FAM210A: variants seen among roughly 807,000 people sequenced by gnomAD.
FAM210A encodes the protein mitochondrial inner membrane scaffold 1.
In FAM210A, 13 loss-of-function variants were observed where a neutral mutation model predicts 25.3. The ratio of observed to expected loss-of-function variants is 0.51; its 90% CI spans 0.33 to 0.82. The LOEUF (loss-of-function observed/expected upper bound fraction) is 0.82. FAM210A is among the 40% of genes least tolerant of loss of function. The pLI, the probability that FAM210A is intolerant of heterozygous loss-of-function variation, is 0.02. For missense variants in FAM210A, 319 were observed against 323.2 expected (o/e 0.99, Z 0.10); for synonymous variants, 125 against 118.7 (o/e 1.05, Z -0.35).
chr18:13,684,987 T>C (rs1020852632), intron 1 of FAM210A, among the ~76,000 whole-genome samples: 2 of 152,140 alleles, frequency 1.3e-5, no homozygotes, highest in Admixed American at 6.5e-5. Context: ...AAAAAGAAAT[T>C]TAAAAATATT....
At chr18:13,714,909 A>G (rs2043848019) in intron 1 of FAM210A, among the ~76,000 whole-genome samples, 1 of 152,146 alleles carries the variant, frequency 6.6e-6, no homozygotes, top group South Asian at 2.1e-4. Context: ...CACTATGAAT[A>G]GCGTCCTCAT....
At chr18:13,696,954 T>C (rs2043699380) in intron 1 of FAM210A, among the ~76,000 whole-genome samples, 1 of 152,212 alleles carries the variant, frequency 6.6e-6, no homozygotes, top group Non-Finnish European at 1.5e-5. Flanking sequence ...AGTACTCTGG[T>C]ATAGGTGTAT....
chr18:13,696,925 C>T (rs1297414070), intron 1 of FAM210A, among the ~76,000 whole-genome samples: 1 of 152,166 alleles, frequency 6.6e-6, no homozygotes, highest in Non-Finnish European at 1.5e-5. Context: ...TCCAGTACTG[C>T]AAGCTCCAAT....
chr18:13,694,239 T>C (rs191586539), intron 1 of FAM210A, among the ~76,000 whole-genome samples: 6 of 147,862 alleles, frequency 4.1e-5, no homozygotes, highest in East Asian at 4.1e-4. Context: ...CACAAACAAA[T>C]GGAGGAACAT....
intron 1 of FAM210A, among the ~76,000 whole-genome samples, chr18:13,702,400 T>C (rs182589602): frequency 2.6e-5 from 4 of 152,234 alleles, no homozygotes; most frequent in Admixed American, 2.6e-4. Flanking sequence ...TGAAACCCCA[T>C]AAGCCCGCTG....
At chr18:13,667,811 G>A (rs1221321305) in intron 3 of FAM210A, among the ~76,000 whole-genome samples, 1 of 152,218 alleles carries the variant, frequency 6.6e-6, no homozygotes, top group Non-Finnish European at 1.5e-5. Context: ...CGGGAGGGCT[G>A]CTTGAGCTCA....
chr18:13,673,336 A>C (rs2848451), intron 2 of FAM210A, among the ~76,000 whole-genome samples: 1 of 116,964 alleles, frequency 8.5e-6, no homozygotes, highest in African/African-American at 3.5e-5. Context: ...CTGAACCCCG[A>C]CTTCATTTCC....
chr18:13,720,051 T>G (rs1375735903), intron 1 of FAM210A, among the ~76,000 whole-genome samples: 1 of 152,218 alleles, frequency 6.6e-6, no homozygotes, highest in Non-Finnish European at 1.5e-5. Context: ...GTCATTTTTC[T>G]AGTCAGGTTG....
intron 1 of FAM210A, among the ~76,000 whole-genome samples, chr18:13,704,503 G>A (rs2043763494): frequency 6.6e-6 from 1 of 152,128 alleles, no homozygotes; most frequent in African/African-American, 2.4e-5. Context: ...TGGTCAAACT[G>A]GTTAAGTATA....
rs187052560 is a variant in FAM210A, at chr18:13,706,626, C to T, written c.-29+19703G>A. The stretch of plus-strand genomic sequence containing the variant: ...CAATGTTTGTTAGGTCCTTTTTTCA[C>T]GGTTTGGAATAAAAGAGGGAATGAT... On this transcript the variant is annotated intron_variant, in intron 1 of 3. Transcript: ENST00000651643. Among the ~76,000 whole-genome samples the T allele has an allele frequency of 1.1e-4, 17 of 152,212 alleles. No homozygotes were observed. In the East Asian group the frequency reaches 1.7e-3, roughly 16 times the overall value.
chr18:13,701,633 T>C (rs2043741016), intron 1 of FAM210A, among the ~76,000 whole-genome samples: 1 of 152,150 alleles, frequency 6.6e-6, no homozygotes, highest in Non-Finnish European at 1.5e-5. Context: ...TTCCAGCTTA[T>C]ACATTAGGCA....
intron 1 of FAM210A, among the ~76,000 whole-genome samples, chr18:13,691,315 A>C (rs1203020270): frequency 6.6e-6 from 1 of 152,238 alleles, no homozygotes; most frequent in African/African-American, 2.4e-5. Flanking sequence ...GAATGAAACC[A>C]AGTGGGAAAA....
chr18:13,716,401 T>C (rs564689223), intron 1 of FAM210A, among the ~76,000 whole-genome samples: 3 of 152,252 alleles, frequency 2.0e-5, no homozygotes, highest in South Asian at 2.1e-4. Flanking sequence ...TGGCTGACTG[T>C]TATTGGTCCA....
intron 1 of FAM210A, among the ~76,000 whole-genome samples, chr18:13,705,259 T>A (rs1372675164): frequency 6.6e-6 from 1 of 152,200 alleles, no homozygotes; most frequent in South Asian, 2.1e-4. Flanking sequence ...ATCAGTGCTA[T>A]GTACCTAATT....
At chr18:13,685,867 A>G (rs2043592843) in intron 1 of FAM210A, among the ~76,000 whole-genome samples, 1 of 152,192 alleles carries the variant, frequency 6.6e-6, no homozygotes, top group Non-Finnish European at 1.5e-5. Context: ...GGAGGAATGC[A>G]CATATTAGAA....
intron 2 of FAM210A, among the ~76,000 whole-genome samples, chr18:13,679,337 A>G: frequency 6.6e-6 from 1 of 152,228 alleles, no homozygotes; most frequent in South Asian, 2.1e-4. Context: ...GAACAACACT[A>G]AAATATAACT....
chr18:13,710,872 G>A (rs577937745), intron 1 of FAM210A, among the ~76,000 whole-genome samples: 15 of 152,320 alleles, frequency 9.8e-5, no homozygotes, highest in African/African-American at 3.4e-4. Flanking sequence ...TGTATGGCCA[G>A]CATGACATTA....
chr18:13,677,497 C>G (rs189498321), intron 2 of FAM210A, among the ~76,000 whole-genome samples: 1 of 152,208 alleles, frequency 6.6e-6, no homozygotes. Flanking sequence ...GAACAGAACA[C>G]AACACAACAG....
At chr18:13,689,965 T>A (rs1243038068) in intron 1 of FAM210A, among the ~76,000 whole-genome samples, 1 of 152,128 alleles carries the variant, frequency 6.6e-6, no homozygotes, top group South Asian at 2.1e-4. Flanking sequence ...GGGCATCACC[T>A]CACCTGGGAA....
Sources: allele counts gnomAD v4.1 joint callset (sites outside exome capture counted in the v4.1 genomes callset), GRCh38; gene constraint gnomAD v4.1.1; transcripts MANE v1.5; gene names NCBI Gene and HGNC (gene_info 2026-07-23, HGNC 2026-07-21).